Variants in KCNN1 observed in about 807,000 individuals in gnomAD.
KCNN1 encodes the protein small conductance calcium-activated potassium channel protein 1.
Under a neutral mutation model 44.7 loss-of-function variants are expected in KCNN1, and 20 were observed. The ratio of observed to expected loss-of-function variants is 0.45; its 90% CI spans 0.32 to 0.65. The LOEUF (loss-of-function observed/expected upper bound fraction) is 0.65. Among genes scored for constraint, KCNN1 ranks in the 30% least tolerant of loss-of-function variants. The probability of loss-of-function intolerance (pLI) is 0.05; values close to 1 mark genes in which losing one functional copy is unlikely to be tolerated. For missense variants in KCNN1, 632 were observed against 785.3 expected, an observed-to-expected ratio of 0.80 and a Z score of 2.33; for synonymous variants, 324 against 341.7, an observed-to-expected ratio of 0.95 and a Z score of 0.57.
chr19:17,973,831 G>A lies in KCNN1; in HGVS notation c.-58G>A. On this transcript the variant is annotated 5_prime_UTR_variant, in exon 2 of 10. Coordinates refer to ENST00000684775, the MANE Select transcript of KCNN1 (RefSeq NM_001386974.1). ...AGGTCAGTGCAGGAGCCCAGCCGCT[G>A]AGCCATGCCGGGCCCCGGGCGGCCT... 1.3e-6 allele frequency: 2 copies of A among 1,534,424 alleles called. No individual in the cohort carries two copies. The highest frequency in any genetic ancestry group is 1.2e-5 in the South Asian group (1 of 83,148).
At chr19:17,964,684 A>G (rs750739551), upstream of KCNN1, among the ~76,000 whole-genome samples, 3 of 152,138 alleles carry the variant, frequency 2.0e-5, no homozygotes, top group Non-Finnish European at 4.4e-5. The surrounding 1 kb of genome is among the most constrained non-coding windows in gnomAD (Gnocchi z 4.3). Context: ...ACTCCCATTC[A>G]TGCTGCCAAC....
At chr19:17,988,576 G>T in intron 6 of KCNN1, 51 bp downstream of exon 6, 1 of 1,348,602 alleles carries the variant, frequency 7.4e-7, no homozygotes, top group African/African-American at 1.4e-5. Context: ...GTCAGCGAGC[G>T]TAGAACTTCC....
At chr19:17,992,131 A>G (rs1226825143) in intron 7 of KCNN1, among the ~76,000 whole-genome samples, 2 of 152,038 alleles carry the variant, frequency 1.3e-5, no homozygotes, top group African/African-American at 4.8e-5. Context: ...GACCAGCCTG[A>G]CCAACATGGT....
intron 3 of KCNN1, among the ~76,000 whole-genome samples, chr19:17,980,682 A>G (rs1415140398): frequency 6.6e-6 from 1 of 150,488 alleles, no homozygotes; most frequent in Non-Finnish European, 1.5e-5. Flanking sequence ...GCAGGAGGAC[A>G]CTTGAGGCCA....
At position 17,997,863 on chromosome 19, in the gene KCNN1, A is replaced by T. The variant is rs528217886; in HGVS notation, c.1378-289A>T. On this transcript the variant is annotated intron_variant, in intron 9 of 9. Transcript: ENST00000684775. ...TAATGAGCCGAGATTGGGCCACTGC[A>T]CTCCAGCATAGGTGACGGAGGGAGT... Among the ~76,000 whole-genome samples the T allele has an allele frequency of 2.7e-5, 4 of 150,648 alleles. No homozygotes were observed. In the South Asian group the frequency reaches 8.4e-4, roughly 31 times the overall value.
At chr19:17,959,811 G>A (rs955845721) in intron 2 of KCNN1, among the ~76,000 whole-genome samples, 10 of 152,148 alleles carry the variant, frequency 6.6e-5, no homozygotes, top group Admixed American at 6.6e-5. Flanking sequence ...TCAGCTGGAC[G>A]CGGTGGCTCA....
Position 17,999,874 on chromosome 19 carries a change from G to A in KCNN1, c.*1468G>A. On this transcript the variant is annotated 3_prime_UTR_variant, in exon 10 of 10. Coordinates refer to ENST00000684775, the MANE Select transcript of KCNN1 (RefSeq NM_001386974.1). Reference sequence around the variant, plus strand: ...ATGACCAGCTTGGGCCCACGCACGAGAAGGGTATGAGGAGGTGCTGGTCAG... The same window carrying A: ...ATGACCAGCTTGGGCCCACGCACGAAAAGGGTATGAGGAGGTGCTGGTCAG... 1 of 431,802 alleles carries A rather than the reference G, an allele frequency of 2.3e-6. No homozygotes were observed. The highest frequency in any genetic ancestry group is 4.7e-6 in the Non-Finnish European group (1 of 213,692). 26.7% of individuals were successfully genotyped at this position (431,802 alleles called of 1,614,324 possible).
In KCNN1 at chr19:17,993,576, AG is replaced by A; in HGVS notation, c.1377+20del. ...CTAGCCAAGGTGAGTGGGTTGGGGC[AG>A]GGTGGGCCAGACAGGGCAGGTGGGG... is the stretch of plus-strand genomic sequence containing the variant. On this transcript the variant is annotated intron_variant, in intron 9 of 9. Transcript: ENST00000684775. This position sits in a 1 kb window ranked among gnomAD's most constrained non-coding sequence, Gnocchi z 4.5. 1 of 1,604,576 alleles carries A rather than the reference AG, an allele frequency of 6.2e-7. No homozygotes were observed. Among genetic ancestry groups the A allele is most frequent in the East Asian group, 2.2e-5 (1 of 44,808 alleles).
At chr19:17,990,102 T>C (rs1305900264) in intron 7 of KCNN1, 1 of 643,174 alleles carries the variant, frequency 1.6e-6, no homozygotes, top group East Asian at 3.2e-5. Context: ...ATTCTTACCC[T>C]TTAGACTTTG....
At chr19:17,953,953 A>C (rs1015293051) in intron 1 of KCNN1, among the ~76,000 whole-genome samples, 8 of 151,982 alleles carry the variant, frequency 5.3e-5, no homozygotes, top group Non-Finnish European at 7.4e-5. Flanking sequence ...AGATCTCCCC[A>C]TGGCGAAGGA....
chr19:17,973,337 A>G (rs940696437), intron 1 of KCNN1, among the ~76,000 whole-genome samples: 3 of 152,026 alleles, frequency 2.0e-5, no homozygotes, highest in Non-Finnish European at 4.4e-5. Context: ...CTGGAGTGCA[A>G]TGGCATGATC....
rs1568459450 is a variant in KCNN1 at position 17,990,813 on chromosome 19, AAG to A, written c.1298+972_1298+973del. ...AGACTCTGTCTCAAAAAAAAAAAAAAAGAAAGAAAAAGAAAAAAAAGAAGAAA... is the reference window on the plus strand; with the variant it reads ...AGACTCTGTCTCAAAAAAAAAAAAAAAAAGAAAAAGAAAAAAAAGAAGAAA... On this transcript the variant is annotated intron_variant, in intron 7 of 9. Transcript: ENST00000684775. 6.6e-5 allele frequency among the ~76,000 whole-genome samples: 10 copies of A among 150,698 alleles called. 2 individuals carry two copies. The highest frequency in any genetic ancestry group is 9.7e-5 in the African/African-American group (4 of 41,146).
chr19:17,979,140 T>TAAAAA (rs71164334), intron 3 of KCNN1, among the ~76,000 whole-genome samples: 1 of 103,354 alleles, frequency 9.7e-6, no homozygotes, highest in African/African-American at 3.7e-5. Context: ...CCCTTCCTCT[T>TAAAAA]AAAAAAAAAA....
chr19:17,958,396 T>C (rs1366690643), intron 2 of KCNN1, among the ~76,000 whole-genome samples: 1 of 151,774 alleles, frequency 6.6e-6, no homozygotes, highest in Non-Finnish European at 1.5e-5. Flanking sequence ...GAGGATCACT[T>C]GAGGACAGGA....
chr19:17,994,772 G>T, intron 9 of KCNN1, among the ~76,000 whole-genome samples: 1 of 152,308 alleles, frequency 6.6e-6, no homozygotes, highest in South Asian at 2.1e-4. Context: ...TCGAACTCCT[G>T]ACCTTAAGTG....
intron 7 of KCNN1, among the ~76,000 whole-genome samples, chr19:17,992,696 C>T (rs1285919485): frequency 6.6e-6 from 1 of 152,234 alleles, no homozygotes; most frequent in African/African-American, 2.4e-5. Flanking sequence ...CCAGTGCCAA[C>T]ACCAACACCA....
chr19:17,998,334 C>G lies in KCNN1; in HGVS notation c.1560C>G (p.Pro520=), dbSNP rs767633982. ...PPPPLPPRPG[P]GPQDQAARSS... ...CTCCCCTGCCTCCCAGGCCCGGCCC[C>G]GGCCCCCAAGACCAGGCAGCCCGGA... Residue 520 remains proline (P), a synonymous_variant, in exon 10 of 10, where the codon CCC becomes CCG. Coordinates refer to ENST00000684775, the MANE Select transcript of KCNN1 (RefSeq NM_001386974.1). The surrounding 1 kb of genome is among the most constrained non-coding windows in gnomAD (Gnocchi z 5.4). 1.3e-6 allele frequency: 2 copies of G among 1,532,390 alleles called. No homozygotes were observed. Among genetic ancestry groups the G allele is most frequent in the Non-Finnish European group, 1.7e-6 (2 of 1,145,008 alleles). The allele number at this position is 1,532,390 out of a possible 1,614,324, so 94.9% of individuals were successfully genotyped here.
At chr19:17,996,538 G>A (rs1202866792) in intron 9 of KCNN1, among the ~76,000 whole-genome samples, 2 of 152,164 alleles carry the variant, frequency 1.3e-5, no homozygotes, top group East Asian at 1.9e-4. Context: ...CCCAGGAGGT[G>A]GAGGTTGCAG....
At chr19:17,976,183 C>T (rs78627214) in intron 3 of KCNN1, among the ~76,000 whole-genome samples, 25,419 of 151,652 alleles carry the variant, frequency 0.17, 2,374 homozygotes, top group East Asian at 0.36. Flanking sequence ...ATCGGGTGCA[C>T]GTAATCCCAG....
Sources: allele counts gnomAD v4.1 joint callset (sites outside exome capture counted in the v4.1 genomes callset), GRCh38; gene constraint gnomAD v4.1.1; non-coding constraint Gnocchi (gnomAD v3.1); transcripts MANE v1.5; gene names NCBI Gene and HGNC (gene_info 2026-07-23, HGNC 2026-07-21).